Variants in ZNF730 observed in about 807,000 individuals in gnomAD.
ZNF730 encodes the protein zinc finger protein 730.
A neutral mutation model predicts 12.6 loss-of-function variants in ZNF730; 12 were observed. The observed-to-expected ratio is 0.95, with a 90% CI of 0.61 to 1.54. ZNF730 has a LOEUF of 1.54. Ranked by LOEUF, ZNF730 falls within the 40% of genes most tolerant of loss-of-function variation. The probability of loss-of-function intolerance (pLI) is 0.00; values close to 1 mark genes in which losing one functional copy is unlikely to be tolerated. For missense variants in ZNF730, 643 were observed against 583.5 expected (o/e 1.10, Z -1.05); for synonymous variants, 194 against 195.8 (o/e 0.99, Z 0.08).
At chr19:23,137,124 T>A (rs1486086459) in intron 3 of ZNF730, among the ~76,000 whole-genome samples, 8 of 152,174 alleles carry the variant, frequency 5.3e-5, no homozygotes, top group Non-Finnish European at 1.2e-4. Context: ...GAGCCAAGAC[T>A]GTGCCACTGC....
intron 1 of ZNF730, among the ~76,000 whole-genome samples, chr19:23,091,654 G>A (rs1027054708): frequency 4.6e-5 from 7 of 152,160 alleles, no homozygotes; most frequent in Admixed American, 4.6e-4. Context: ...TGACTGCCTC[G>A]CTGGATTTTG....
In ZNF730 at chr19:23,095,652, C is replaced by T. The variant is rs1970236696; in HGVS notation, c.-94+20265C>T. On this transcript the variant is annotated intron_variant, in intron 1 of 2. Transcript: ENST00000593635. The stretch of plus-strand genomic sequence containing the variant: ...GAAGCCGTGGTGGTGTATTGCTGGG[C>T]CCAGAGCCAATGTGATGTGAGTCTC... The T allele has an allele frequency of 7.7e-6, 3 of 387,524 alleles. No homozygotes were observed. In the Admixed American group the frequency reaches 1.3e-4, roughly 17 times the overall value. The allele number at this position is 387,524 out of a possible 1,614,324, so 24.0% of individuals were successfully genotyped here. A position where few individuals can be genotyped will look rare whatever the true frequency, so the allele number is the denominator to read the frequency against.
Position 23,146,341 on chromosome 19 carries a change from T to C in ZNF730, c.1297T>C (p.Phe433Leu). Residue 433 changes from phenylalanine to leucine, a missense_variant, in exon 4 of 4, where the codon TTC becomes CTC. Coordinates refer to ENST00000597761, the MANE Select transcript of ZNF730 (RefSeq NM_001277403.2). ...PYKCEECGRAFNQSSTLTTHK... is the reference protein window; with the variant it reads ...PYKCEECGRALNQSSTLTTHK... ...CAAATGTGAAGAATGTGGCAGAGCT[T>C]TCAACCAGTCCTCAACCCTTACTAC... 6.2e-7 allele frequency: 1 copy of C among 1,613,548 alleles called. No individual in the cohort carries two copies. Among genetic ancestry groups the C allele is most frequent in the Non-Finnish European group, 8.5e-7 (1 of 1,179,872 alleles).
chr19:23,109,582 A>G (rs1970437459), intron 1 of ZNF730, among the ~76,000 whole-genome samples: 1 of 151,590 alleles, frequency 6.6e-6, no homozygotes, highest in Non-Finnish European at 1.5e-5. Flanking sequence ...TTGTATTTTT[A>G]GTAGAGATGG....
chr19:23,114,598 C>T (rs1051044394), upstream of ZNF730, among the ~76,000 whole-genome samples: 3 of 151,822 alleles, frequency 2.0e-5, no homozygotes, highest in East Asian at 1.9e-4. Flanking sequence ...ATGATCCGCC[C>T]GCCTCGGCCT....
intron 1 of ZNF730, among the ~76,000 whole-genome samples, chr19:23,128,831 C>A (rs779670824): frequency 8.5e-5 from 13 of 152,182 alleles, no homozygotes; most frequent in Non-Finnish European, 1.8e-4. Context: ...CCTTCCATCA[C>A]AGGCCCAGAG....
Position 23,146,490 on chromosome 19 carries a change from T to C in ZNF730, c.1446T>C (p.Cys482=). 6.2e-7 allele frequency: 1 copy of C among 1,602,392 alleles called. No individual in the cohort carries two copies. Among genetic ancestry groups the C allele is most frequent in the Admixed American group, 1.7e-5 (1 of 58,480 alleles). ...ATTCTGGGGAAAAAATCTACAAATG[T>C]AAAGAATGTGGTAAAGCCTTTAGGC... ...IIHSGEKIYK[C]KECGKAFRRF... Residue 482 remains cysteine, a synonymous_variant, in exon 4 of 4, where the codon TGT becomes TGC. Coordinates refer to ENST00000597761, the MANE Select transcript of ZNF730 (RefSeq NM_001277403.2).
intron 1 of ZNF730, chr19:23,123,461 T>G (rs1004478924): frequency 6.6e-6 from 1 of 152,198 alleles, no homozygotes; most frequent in Non-Finnish European, 1.5e-5. Context: ...TCCCAGCTAC[T>G]TGGGAGGCTG....
At chr19:23,085,114 G>A (rs538327204) in intron 1 of ZNF730, among the ~76,000 whole-genome samples, 4 of 151,994 alleles carry the variant, frequency 2.6e-5, no homozygotes, top group African/African-American at 7.2e-5. Context: ...CCACAACCTC[G>A]TCAGCATCTG....
At position 23,117,090 on chromosome 19, in the gene ZNF730, A is replaced by G. The variant is rs1256700113; in HGVS notation, c.-84A>G. On this transcript the variant is annotated 5_prime_UTR_variant, in exon 1 of 4. Transcript: ENST00000597761. Reference sequence around the variant, plus strand: ...TGTCTGCTTTGTGTCCTCTGCACGTAGAAGCCCAGCCTGTGTGGCCCTGCG... The same window carrying G: ...TGTCTGCTTTGTGTCCTCTGCACGTGGAAGCCCAGCCTGTGTGGCCCTGCG... The G allele has an allele frequency of 2.6e-5, 41 of 1,605,422 alleles. No individual in the cohort carries two copies. The highest frequency in any genetic ancestry group is 1.4e-5 in the Non-Finnish European group (17 of 1,173,652).
chr19:23,146,692 CAT>C lies in ZNF730; in HGVS notation c.*138_*139del, dbSNP rs1971020191. 1 of 1,464,504 alleles carries C rather than the reference CAT, an allele frequency of 6.8e-7. No homozygotes were observed. 90.7% of individuals were successfully genotyped at this position (1,464,504 alleles called of 1,614,324 possible). A position where few individuals can be genotyped will look rare whatever the true frequency, so the allele number is the denominator to read the frequency against. On this transcript the variant is annotated 3_prime_UTR_variant, in exon 4 of 4. Transcript: ENST00000597761. ...TAACCAGTCCTCAAATCTTACTAAA[CAT>C]AAGGTAATTCATACTGGAGAAAAAC...
chr19:23,111,930 C>G (rs1409441804), intron 1 of ZNF730, among the ~76,000 whole-genome samples: 1 of 152,236 alleles, frequency 6.6e-6, no homozygotes, highest in Non-Finnish European at 1.5e-5. Context: ...TCTTCTGCTA[C>G]TGAAGTCTAA....
intron 1 of ZNF730, chr19:23,128,503 C>T (rs1970699028): frequency 1.0e-5 from 3 of 295,040 alleles, no homozygotes; most frequent in Admixed American, 7.0e-5. Flanking sequence ...CAAAAGAAGG[C>T]AAGCTTCCTC....
chr19:23,114,493 T>G (rs1970494903), upstream of ZNF730, among the ~76,000 whole-genome samples: 1 of 122,586 alleles, frequency 8.2e-6, no homozygotes, highest in South Asian at 3.2e-4. Flanking sequence ...TTTTATTTAT[T>G]TTTATTTTTA....
chr19:23,095,477 A>T (rs1360805176), intron 1 of ZNF730: 3 of 398,412 alleles, frequency 7.5e-6, no homozygotes, highest in Non-Finnish European at 8.8e-6. Flanking sequence ...GCCCCTTCTC[A>T]CAGAAGAGAT....
At position 23,146,728 on chromosome 19, in the gene ZNF730, G is replaced by A. The variant is rs1971020901; in HGVS notation, c.*172G>A. 6.0e-6 allele frequency: 8 copies of A among 1,335,012 alleles called. No homozygotes were observed. The highest frequency in any genetic ancestry group is 8.6e-6 in the Non-Finnish European group (8 of 928,702). 82.7% of individuals were successfully genotyped at this position (1,335,012 alleles called of 1,614,324 possible). ...TCATACTGGAGAAAAACCTACAAAT[G>A]TGAAGAATGTGGCAAAGTCTTCAAC... On this transcript the variant is annotated 3_prime_UTR_variant, in exon 4 of 4. Transcript: ENST00000597761.
intron 1 of ZNF730, among the ~76,000 whole-genome samples, chr19:23,085,729 T>C (rs1970049653): frequency 1.3e-5 from 2 of 150,788 alleles, no homozygotes; most frequent in African/African-American, 4.9e-5. Flanking sequence ...TTGACCAGGC[T>C]AGTCTCGAAC....
chr19:23,131,302 A>T (rs1970740026), intron 1 of ZNF730, among the ~76,000 whole-genome samples: 1 of 152,230 alleles, frequency 6.6e-6, no homozygotes, highest in Non-Finnish European at 1.5e-5. Context: ...TTTTCTAAAT[A>T]CTGGGAATTA....
intron 1 of ZNF730, among the ~76,000 whole-genome samples, chr19:23,077,424 CTTTTTTTTTTTTTT>C (rs71163442): frequency 1.3e-4 from 6 of 45,554 alleles, no homozygotes; most frequent in African/African-American, 2.7e-4. Context: ...TCCCTAAGAG[CTTTTTTTTTTTTTT>C]TTTTTTTTTT....
Sources: allele counts gnomAD v4.1 joint callset (sites outside exome capture counted in the v4.1 genomes callset), GRCh38; gene constraint gnomAD v4.1.1; transcripts MANE v1.5; gene names NCBI Gene and HGNC (gene_info 2026-07-23, HGNC 2026-07-21).